Variants in IGF1R observed in about 807,000 individuals in gnomAD.
IGF1R encodes the protein insulin-like growth factor 1 receptor.
Under a neutral mutation model 144.6 loss-of-function variants are expected in IGF1R, and 44 were observed. That is an observed-to-expected ratio of 0.30 (90% confidence interval 0.24 to 0.39). IGF1R has a LOEUF of 0.39. Among genes scored for constraint, IGF1R ranks in the 10% least tolerant of loss-of-function variants. The pLI is 1.00. For missense variants in IGF1R, 1,355 were observed against 1,833.7 expected, an observed-to-expected ratio of 0.74 and a Z score of 4.77; for synonymous variants, 795 against 722.8, an observed-to-expected ratio of 1.10 and a Z score of -1.60.
chr15:98,889,462 T>C (rs190806385), intron 2 of IGF1R, among the ~76,000 whole-genome samples: 6 of 152,358 alleles, frequency 3.9e-5, no homozygotes, highest in African/African-American at 1.4e-4. Context: ...AGGGTGCTCA[T>C]GAAGATTGCT....
At chr15:98,688,351 C>CAA (rs1555431945) in intron 1 of IGF1R, among the ~76,000 whole-genome samples, 1 of 139,362 alleles carries the variant, frequency 7.2e-6, no homozygotes, top group Admixed American at 7.0e-5. Flanking sequence ...TCACTTCCCC[C>CAA]CACACTCTCT....
chr15:98,916,424 G>A lies in IGF1R; in HGVS notation c.1997-248G>A, dbSNP rs957024448. Reference sequence around the variant, plus strand: ...TTACAGGCATGCACCACCATGCCCAGCTAATTTTTGTATTTTTAGTAGAGA... The same window carrying A: ...TTACAGGCATGCACCACCATGCCCAACTAATTTTTGTATTTTTAGTAGAGA... On this transcript the variant is annotated intron_variant, in intron 9 of 20. Transcript: ENST00000650285. The A allele has an allele frequency of 3.7e-5, 21 of 563,934 alleles. No individual in the cohort carries two copies. The East Asian group carries it at 6.3e-4, about 17-fold the overall frequency. 34.9% of individuals were successfully genotyped at this position (563,934 alleles called of 1,614,324 possible). A position where few individuals can be genotyped will look rare whatever the true frequency, so the allele number is the denominator to read the frequency against.
intron 10 of IGF1R, among the ~76,000 whole-genome samples, chr15:98,918,414 G>C (rs1346008395): frequency 6.6e-6 from 1 of 151,422 alleles, no homozygotes; most frequent in Non-Finnish European, 1.5e-5. Flanking sequence ...TTTTTTTTCT[G>C]CCAAGTGACC....
At chr15:98,888,852 G>A (rs1228455593) in intron 2 of IGF1R, among the ~76,000 whole-genome samples, 3 of 152,240 alleles carry the variant, frequency 2.0e-5, no homozygotes, top group Non-Finnish European at 4.4e-5. Context: ...TCCAGGGTTA[G>A]CCTAGCGGCC....
At chr15:98,800,967 G>C (rs1596314718) in intron 2 of IGF1R, among the ~76,000 whole-genome samples, 1 of 151,532 alleles carries the variant, frequency 6.6e-6, no homozygotes, top group East Asian at 1.9e-4. Context: ...TCTTCCTTGT[G>C]CAACTGTTGG....
In IGF1R at chr15:98,719,675, G is replaced by A. The variant is rs45610634; in HGVS notation, c.640+11568G>A. Among the ~76,000 whole-genome samples the A allele has an allele frequency of 9.7e-3, 1,478 of 152,284 alleles. 12 individuals are homozygous for A. The highest frequency in any genetic ancestry group is 0.016 in the African/African-American group (662 of 41,564). On this transcript the variant is annotated intron_variant, in intron 2 of 20. Transcript: ENST00000650285. ...GTACTGGTGGCTGTGCAGTGATGACGGCTGTCGTGCCTCCTGTGTCTTCTG... is the reference window on the plus strand; with the variant it reads ...GTACTGGTGGCTGTGCAGTGATGACAGCTGTCGTGCCTCCTGTGTCTTCTG...
At position 98,907,660 on chromosome 15, in the gene IGF1R, G is replaced by A. The variant is rs143538547; in HGVS notation, c.1248-1025G>A. Reference sequence around the variant, plus strand: ...GAAGCCAGAGAGAAAGGCCCACTGCGGGGATCTTTCTCTAGACCTAAGCCG... The same window carrying A: ...GAAGCCAGAGAGAAAGGCCCACTGCAGGGATCTTTCTCTAGACCTAAGCCG... On this transcript the variant is annotated intron_variant, in intron 5 of 20. Coordinates refer to ENST00000650285, the MANE Select transcript of IGF1R (RefSeq NM_000875.5). Among the ~76,000 whole-genome samples the A allele has an allele frequency of 6.6e-4, 100 of 152,316 alleles. No individual in the cohort carries two copies. In the Middle Eastern group the frequency reaches 0.01, roughly 16 times the overall value.
intron 2 of IGF1R, among the ~76,000 whole-genome samples, chr15:98,786,886 CT>C (rs1256107079): frequency 2.6e-5 from 4 of 152,172 alleles, no homozygotes; most frequent in African/African-American, 9.7e-5. Flanking sequence ...CCGTCCTAAC[CT>C]TTTCTCAAGT....
intron 1 of IGF1R, among the ~76,000 whole-genome samples, chr15:98,657,057 C>T (rs1003366924): frequency 3.9e-5 from 6 of 152,188 alleles, no homozygotes; most frequent in Admixed American, 1.3e-4. Flanking sequence ...ATTGTGATTG[C>T]TTTCAGCTTG....
At chr15:98,743,164 A>T (rs1290619343) in intron 2 of IGF1R, among the ~76,000 whole-genome samples, 1 of 152,224 alleles carries the variant, frequency 6.6e-6, no homozygotes, top group Admixed American at 6.5e-5. Flanking sequence ...TACAAATTAG[A>T]TGGATTTAAA....
chr15:98,929,775 C>G, intron 14 of IGF1R, 115 bp downstream of exon 14: 1 of 762,844 alleles, frequency 1.3e-6, no homozygotes, highest in Non-Finnish European at 2.3e-6. Context: ...GACTGGAAAA[C>G]CTGATTTTCC....
chr15:98,671,137 C>T lies in IGF1R; in HGVS notation c.94+21462C>T, dbSNP rs532547652. On this transcript the variant is annotated intron_variant, in intron 1 of 20. Coordinates refer to ENST00000650285, the MANE Select transcript of IGF1R (RefSeq NM_000875.5). ...CTCTGTTACTGGATCTCCATTTGCT[C>T]AAAAGAGAGCAGTGTCCCCCTCCAA... Among the ~76,000 whole-genome samples, 17 of 152,306 alleles carry T rather than the reference C, an allele frequency of 1.1e-4. No homozygotes were observed. In the South Asian group the frequency reaches 1.7e-3, roughly 15 times the overall value.
chr15:98,807,941 A>G (rs2056502615), intron 2 of IGF1R, among the ~76,000 whole-genome samples: 1 of 152,248 alleles, frequency 6.6e-6, no homozygotes, highest in Non-Finnish European at 1.5e-5. Context: ...ATAAACTCTC[A>G]TTATAAAACA....
intron 10 of IGF1R, among the ~76,000 whole-genome samples, chr15:98,918,384 A>G (rs140999195): frequency 7.2e-5 from 11 of 152,216 alleles, no homozygotes; most frequent in African/African-American, 2.6e-4. Flanking sequence ...CTGTAACAAC[A>G]AATGGTTTTT....
At chr15:98,783,958 A>ATTTTTTT (rs71149420) in intron 2 of IGF1R, among the ~76,000 whole-genome samples, 3 of 54,744 alleles carry the variant, frequency 5.5e-5, no homozygotes, top group East Asian at 6.7e-4. Context: ...GGCATCTGAA[A>ATTTTTTT]TTTTTTTTTT....
At chr15:98,717,783 T>G (rs899313450) in intron 2 of IGF1R, among the ~76,000 whole-genome samples, 14 of 152,150 alleles carry the variant, frequency 9.2e-5, no homozygotes, top group African/African-American at 3.1e-4. Context: ...CCTCTGTCTG[T>G]TTGCATGGAT....
At position 98,891,166 on chromosome 15, in the gene IGF1R, G is replaced by T. The variant is rs190594532; in HGVS notation, c.641-159G>T. 3.9e-5 allele frequency among the ~76,000 whole-genome samples: 6 copies of T among 152,176 alleles called. No homozygotes were observed. Among genetic ancestry groups the T allele is most frequent in the African/African-American group, 1.4e-4 (6 of 41,448 alleles). On this transcript the variant is annotated intron_variant, in intron 2 of 20. Transcript: ENST00000650285. The surrounding 1 kb of genome is among the most constrained non-coding windows in gnomAD (Gnocchi z 4.7). The stretch of plus-strand genomic sequence containing the variant: ...TCTAAGTGGATGAAAGGACAGTGGT[G>T]GGGGTGAGGATTTCGTAGTGTGTTT...
chr15:98,692,258 A>C (rs938785413), intron 1 of IGF1R, among the ~76,000 whole-genome samples: 13 of 152,168 alleles, frequency 8.5e-5, no homozygotes, highest in Admixed American at 1.3e-4. Flanking sequence ...GTATCACTTG[A>C]GCCCAGGAAG....
intron 20 of IGF1R, among the ~76,000 whole-genome samples, chr15:98,953,323 C>T (rs756713864): frequency 3.3e-5 from 5 of 152,180 alleles, no homozygotes. Flanking sequence ...TGAGTCTCAA[C>T]GCCATGACTC....
Sources: allele counts gnomAD v4.1 joint callset (sites outside exome capture counted in the v4.1 genomes callset), GRCh38; gene constraint gnomAD v4.1.1; non-coding constraint Gnocchi (gnomAD v3.1); transcripts MANE v1.5; gene names NCBI Gene and HGNC (gene_info 2026-07-23, HGNC 2026-07-21).